MAP1B: variants seen among roughly 807,000 people sequenced by gnomAD.
The protein encoded by MAP1B is microtubule-associated protein 1B.
In MAP1B, 12 loss-of-function variants were observed where a neutral mutation model predicts 176.1. The ratio of observed to expected loss-of-function variants is 0.07; its 90% confidence interval spans 0.04 to 0.11. The LOEUF is 0.11. Ranked by LOEUF, MAP1B falls within the 10% of genes least tolerant of loss-of-function variation. The pLI is 1.00. For synonymous variants in MAP1B, 1,044 were observed against 1,135.0 expected, an observed-to-expected ratio of 0.92 and a Z score of 1.61; for missense variants, 2,523 against 2,990.5, an observed-to-expected ratio of 0.84 and a Z score of 3.65.
In MAP1B at chr5:72,197,459, C is replaced by T; in HGVS notation, c.4104C>T (p.Ala1368=). 1 of 1,614,038 alleles carries T rather than the reference C, an allele frequency of 6.2e-7. No homozygotes were observed. Among genetic ancestry groups the T allele is most frequent in the Non-Finnish European group, 8.5e-7 (1 of 1,180,022 alleles). The change falls in exon 5 of 7, where the codon GCC becomes GCT. Residue 1368 remains alanine (A), a synonymous_variant. Coordinates refer to ENST00000296755, the MANE Select transcript of MAP1B (RefSeq NM_005909.5). The stretch of plus-strand genomic sequence containing the variant: ...CAGTGAGTTTTGAATTCAGTGATGC[C>T]AAAGATGAGAATGAAAGGGCTTCAG... The part of the protein sequence containing the change: ...AVPVSFEFSD[A]KDENERASVS...
chr5:72,126,976 A>G (rs997311927), intron 2 of MAP1B, among the ~76,000 whole-genome samples: 37 of 152,266 alleles, frequency 2.4e-4, no homozygotes, highest in African/African-American at 8.4e-4. Flanking sequence ...AGTGCCAAAT[A>G]GGAAATAGCT....
rs553330936 is a variant in MAP1B, at chr5:72,199,609, T to C, written c.6254T>C (p.Val2085Ala). 6.8e-5 allele frequency: 109 copies of C among 1,614,164 alleles called. No individual in the cohort carries two copies. In the African/African-American group the frequency reaches 1.3e-3, roughly 20 times the overall value. The change falls in exon 5 of 7, where the codon GTG (valine) becomes GCG (alanine). Residue 2085 changes from valine to alanine, a missense_variant. By Grantham distance (64) the Val-to-Ala change is moderately conservative (BLOSUM62 0). Transcript: ENST00000296755. This position sits in a 1 kb window ranked among gnomAD's most constrained non-coding sequence, Gnocchi z 4.2. ...EARQDVDLCL[V>A]SSCEYKHPKT... ...CGTCAGGATGTCGATTTATGCCTCG[T>C]GTCCTCTTGTGAATACAAGCACCCC...
intron 2 of MAP1B, among the ~76,000 whole-genome samples, chr5:72,147,518 A>G (rs1326119137): frequency 6.6e-6 from 1 of 151,992 alleles, no homozygotes; most frequent in African/African-American, 2.4e-5. Context: ...GACATTAAGC[A>G]GATAATCACA....
chr5:72,199,552 ACACTGCAGAAAAGAAGTC>A lies in MAP1B; in HGVS notation c.6199_6216del (p.Thr2067_Ser2072del), dbSNP rs747483261. On this transcript the variant is annotated inframe_deletion, in exon 5 of 7. Transcript: ENST00000296755. This position sits in a 1 kb window ranked among gnomAD's most constrained non-coding sequence, Gnocchi z 4.2. ...TCCTACGAGACTTCAGACCTATGCT[ACACTGCAGAAAAGAAGTC>A]CCCCTCAGAAGCCCGTCAGGATGTC... 22 of 1,614,054 alleles carry A rather than the reference ACACTGCAGAAAAGAAGTC, an allele frequency of 1.4e-5. No homozygotes were observed. The highest frequency in any genetic ancestry group is 1.7e-5 in the Admixed American group (1 of 60,006).
intron 2 of MAP1B, among the ~76,000 whole-genome samples, chr5:72,151,799 G>C (rs893119854): frequency 6.6e-6 from 1 of 152,128 alleles, no homozygotes; most frequent in African/African-American, 2.4e-5. Flanking sequence ...CTGTTCTTTA[G>C]ATAGTAAATA....
chr5:72,159,511 G>A (rs1239263862), intron 2 of MAP1B, among the ~76,000 whole-genome samples: 2 of 152,126 alleles, frequency 1.3e-5, no homozygotes, highest in East Asian at 3.9e-4. Context: ...TAAACACTGG[G>A]CCATCTTCAA....
chr5:72,187,187 T>C (rs527321769), intron 4 of MAP1B, among the ~76,000 whole-genome samples: 5 of 152,324 alleles, frequency 3.3e-5, no homozygotes, highest in African/African-American at 1.2e-4. Flanking sequence ...TGTTTGAACT[T>C]GGGCTGTTTG....
intron 2 of MAP1B, among the ~76,000 whole-genome samples, chr5:72,144,641 C>G (rs140283037): frequency 2.0e-4 from 30 of 152,284 alleles, no homozygotes; most frequent in African/African-American, 6.0e-4. Flanking sequence ...GCGATCCCCC[C>G]ACCTCAGCTT....
chr5:72,120,570 G>T (rs750882590), intron 2 of MAP1B, among the ~76,000 whole-genome samples: 1 of 151,722 alleles, frequency 6.6e-6, no homozygotes, highest in African/African-American at 2.4e-5. Flanking sequence ...GACTACAGGC[G>T]CCCACCACCA....
chr5:72,186,741 T>C lies in MAP1B; in HGVS notation c.497T>C (p.Phe166Ser), dbSNP rs1746906735. 1 of 1,614,038 alleles carries C rather than the reference T, an allele frequency of 6.2e-7. No homozygotes were observed. Among genetic ancestry groups the C allele is most frequent in the Non-Finnish European group, 8.5e-7 (1 of 1,180,044 alleles). ...TCCTTCCAGAACTTCATAGAGATTT[T>C]CACCGATCAAGAGGTAGGTTCGTGT... Reference protein sequence around the residue: ...SFSFQNFIEIFTDQEIGELLS... With the variant: ...SFSFQNFIEISTDQEIGELLS... The change falls in exon 4 of 7, where the codon TTC (phenylalanine) becomes TCC (serine). Residue 166 changes from phenylalanine to serine, a missense_variant. Physicochemically the swap from Phe to Ser is radical, Grantham distance 155 (BLOSUM62 -2). Coordinates refer to ENST00000296755, the MANE Select transcript of MAP1B (RefSeq NM_005909.5). The surrounding 1 kb of genome is among the most constrained non-coding windows in gnomAD (Gnocchi z 4.3).
At chr5:72,163,035 C>G (rs1746355699) in intron 2 of MAP1B, among the ~76,000 whole-genome samples, 1 of 152,056 alleles carries the variant, frequency 6.6e-6, no homozygotes. Context: ...CGAGACCAGC[C>G]TGGCCAACAT....
At chr5:72,180,634 C>T (rs1746745546) in intron 2 of MAP1B, among the ~76,000 whole-genome samples, 1 of 152,140 alleles carries the variant, frequency 6.6e-6, no homozygotes, top group African/African-American at 2.4e-5. Flanking sequence ...CTTCTTAAGC[C>T]TCCGTTCTTT....
At chr5:72,109,885 T>C (rs1056627309) in intron 1 of MAP1B, among the ~76,000 whole-genome samples, 1 of 152,368 alleles carries the variant, frequency 6.6e-6, no homozygotes, top group Admixed American at 6.5e-5. Flanking sequence ...ATTATCTTCC[T>C]GCTTTGTTAC....
rs548222251 is a variant in MAP1B, at chr5:72,194,695, A to G, written c.1340A>G (p.Asp447Gly). The change falls in exon 5 of 7, where the codon GAC (aspartate) becomes GGC (glycine). Residue 447 changes from aspartate (D) to glycine (G), a missense_variant. Asp to Gly is a moderately conservative substitution (Grantham distance 94, BLOSUM62 -1). Coordinates refer to ENST00000296755, the MANE Select transcript of MAP1B (RefSeq NM_005909.5). This position sits in a 1 kb window ranked among gnomAD's most constrained non-coding sequence, Gnocchi z 7.2. Reference sequence around the variant, plus strand: ...CAGCAGTGGACTGGTACCAACAAAGACAAGGCTGAATTCATTCTGCCTAAT... The same window carrying G: ...CAGCAGTGGACTGGTACCAACAAAGGCAAGGCTGAATTCATTCTGCCTAAT... ...FMQQWTGTNK[D>G]KAEFILPNGQ... 6.2e-7 allele frequency: 1 copy of G among 1,614,212 alleles called. No homozygotes were observed. Among genetic ancestry groups the G allele is most frequent in the South Asian group, 1.1e-5 (1 of 91,088 alleles).
intron 2 of MAP1B, among the ~76,000 whole-genome samples, chr5:72,170,588 A>G (rs1746516465): frequency 6.6e-6 from 1 of 151,534 alleles, no homozygotes. Context: ...ACAGTGGCTC[A>G]GTATCCCCTG....
At chr5:72,131,537 G>A (rs549817010) in intron 2 of MAP1B, among the ~76,000 whole-genome samples, 1 of 152,126 alleles carries the variant, frequency 6.6e-6, no homozygotes, top group Admixed American at 6.6e-5. Context: ...CCACTACTCT[G>A]CTCTGAGTTA....
At chr5:72,123,305 A>T (rs2112130965) in intron 2 of MAP1B, among the ~76,000 whole-genome samples, 1 of 151,898 alleles carries the variant, frequency 6.6e-6, no homozygotes, top group South Asian at 2.1e-4. Flanking sequence ...TATTTTTTTA[A>T]TCTCTTTTTG....
chr5:72,162,604 A>G (rs1404756765), intron 2 of MAP1B, among the ~76,000 whole-genome samples: 1 of 152,196 alleles, frequency 6.6e-6, no homozygotes, highest in East Asian at 1.9e-4. Context: ...AAAAAAAAAT[A>G]AAGATGTTCA....
chr5:72,150,698 T>C (rs1258684728), intron 2 of MAP1B, among the ~76,000 whole-genome samples: 1 of 152,174 alleles, frequency 6.6e-6, no homozygotes, highest in Non-Finnish European at 1.5e-5. Context: ...TTCCCCTCGA[T>C]GTGTCCATGT....
Sources: gnomAD v4.1 joint callset for allele counts (sites outside exome capture counted in the v4.1 genomes callset) on GRCh38, gnomAD v4.1.1 for gene constraint, Gnocchi (gnomAD v3.1) non-coding constraint, MANE v1.5 for transcripts, NCBI Gene and HGNC (gene_info 2026-07-23, HGNC 2026-07-21) for gene names.